The following NALF1 variants were observed in gnomAD, a reference collection of about 807,000 sequenced individuals.
NALF1 encodes family with sequence similarity 155 member A.
Under a neutral mutation model 48.4 loss-of-function variants are expected in NALF1, and 3 were observed. The ratio of observed to expected loss-of-function variants is 0.06; its 90% confidence interval spans 0.03 to 0.16. The LOEUF is 0.16. Ranked by LOEUF, NALF1 falls within the 10% of genes least tolerant of loss-of-function variation. NALF1 has a pLI of 1.00. For synonymous variants in NALF1, 262 were observed against 245.7 expected (o/e 1.07, Z -0.62); for missense variants, 526 against 571.5 (o/e 0.92, Z 0.81).
chr13:107,383,078 A>T (rs182502443), intron 1 of NALF1, among the ~76,000 whole-genome samples: 1 of 152,308 alleles, frequency 6.6e-6, no homozygotes, highest in Non-Finnish European at 1.5e-5. Context: ...ACTGCAAGTT[A>T]GTAGTTGGGT....
At chr13:107,805,871 G>A (rs1048770858) in intron 1 of NALF1, among the ~76,000 whole-genome samples, 3 of 152,136 alleles carry the variant, frequency 2.0e-5, no homozygotes, top group African/African-American at 2.4e-5. Context: ...CCTAAAGCCT[G>A]TGGGCTGTTA....
chr13:107,230,382 A>G (rs1051851897), intron 1 of NALF1, among the ~76,000 whole-genome samples: 4 of 152,164 alleles, frequency 2.6e-5, no homozygotes, highest in African/African-American at 9.7e-5. Context: ...CTCTATATCT[A>G]TGCATAGGAG....
At chr13:107,635,197 T>C (rs9520530) in intron 1 of NALF1, among the ~76,000 whole-genome samples, 37,308 of 151,976 alleles carry the variant, frequency 0.25, 5,147 homozygotes, top group East Asian at 0.48. Flanking sequence ...TTCATCCTCA[T>C]ACTGCTATGA....
chr13:107,207,705 G>A (rs1879672597), intron 2 of NALF1, among the ~76,000 whole-genome samples: 1 of 152,228 alleles, frequency 6.6e-6, no homozygotes, highest in Non-Finnish European at 1.5e-5. Flanking sequence ...CTGGAGTGCA[G>A]TGGCAGGATC....
intron 1 of NALF1, among the ~76,000 whole-genome samples, chr13:107,348,293 A>AT (rs1165889412): frequency 2.0e-5 from 3 of 152,306 alleles, no homozygotes; most frequent in East Asian, 3.9e-4. Flanking sequence ...AAATTATTGG[A>AT]TTTTTTTAAA....
At chr13:107,606,379 A>T (rs1369527331) in intron 1 of NALF1, among the ~76,000 whole-genome samples, 3 of 146,330 alleles carry the variant, frequency 2.1e-5, no homozygotes, top group Non-Finnish European at 4.5e-5. Flanking sequence ...ATATATATAT[A>T]TTTTGAGATG....
intron 1 of NALF1, among the ~76,000 whole-genome samples, chr13:107,434,322 G>A (rs1884429546): frequency 6.6e-6 from 1 of 152,108 alleles, no homozygotes; most frequent in South Asian, 2.1e-4. Context: ...CACATAAGAA[G>A]TTAATGCTCA....
chr13:107,497,253 A>G (rs1042534881), intron 1 of NALF1, among the ~76,000 whole-genome samples: 1 of 152,160 alleles, frequency 6.6e-6, no homozygotes, highest in African/African-American at 2.4e-5. Context: ...GAGATATATA[A>G]TTTTAGTTAT....
intron 1 of NALF1, among the ~76,000 whole-genome samples, chr13:107,327,030 C>T (rs1882377476): frequency 6.6e-6 from 1 of 152,244 alleles, no homozygotes; most frequent in African/African-American, 2.4e-5. Flanking sequence ...ACCCCAAAAT[C>T]ACACATTGAA....
chr13:107,693,100 T>C (rs1335644662), intron 1 of NALF1, among the ~76,000 whole-genome samples: 1 of 152,160 alleles, frequency 6.6e-6, no homozygotes, highest in Non-Finnish European at 1.5e-5. Flanking sequence ...GTTGAACTAG[T>C]TTACACTCCC....
intron 1 of NALF1, among the ~76,000 whole-genome samples, chr13:107,295,801 C>T (rs754867678): frequency 4.5e-4 from 68 of 152,142 alleles, no homozygotes; most frequent in Non-Finnish European, 9.6e-4. Flanking sequence ...ACCCTATGGG[C>T]ATAAAATTCA....
chr13:107,608,848 G>A (rs1879144305), intron 1 of NALF1, among the ~76,000 whole-genome samples: 1 of 152,214 alleles, frequency 6.6e-6, no homozygotes. Flanking sequence ...GAGTGACTCT[G>A]CTGGAAGGAA....
At chr13:107,630,843 C>A (rs1440983388) in intron 1 of NALF1, among the ~76,000 whole-genome samples, 1 of 152,074 alleles carries the variant, frequency 6.6e-6, no homozygotes, top group Non-Finnish European at 1.5e-5. Context: ...AGGATTTATG[C>A]TTACTTGACT....
At chr13:107,536,027 T>G (rs751744477) in intron 1 of NALF1, among the ~76,000 whole-genome samples, 4 of 152,098 alleles carry the variant, frequency 2.6e-5, no homozygotes, top group Non-Finnish European at 5.9e-5. Context: ...TAGCCATATG[T>G]AGAAAGCTGA....
intron 1 of NALF1, among the ~76,000 whole-genome samples, chr13:107,701,619 C>G (rs1027082088): frequency 2.0e-5 from 3 of 152,026 alleles, no homozygotes; most frequent in Non-Finnish European, 4.4e-5. Flanking sequence ...TCAAAAAACA[C>G]AAAGTAGCAG....
chr13:107,643,851 G>A (rs1478096811), intron 1 of NALF1, among the ~76,000 whole-genome samples: 1 of 151,988 alleles, frequency 6.6e-6, no homozygotes, highest in Non-Finnish European at 1.5e-5. Flanking sequence ...CAGCCTCAAG[G>A]GAGATCCAGG....
At chr13:107,291,484 T>C (rs1399639996) in intron 1 of NALF1, among the ~76,000 whole-genome samples, 1 of 50,070 alleles carries the variant, frequency 2.0e-5, no homozygotes, top group East Asian at 7.6e-4. Flanking sequence ...ATTTGTAAGG[T>C]GTATACAAAA....
intron 1 of NALF1, among the ~76,000 whole-genome samples, chr13:107,667,136 T>G (rs565428498): frequency 6.6e-6 from 1 of 152,200 alleles, no homozygotes; most frequent in African/African-American, 2.4e-5. Flanking sequence ...CTAATTTAAT[T>G]GCTCAATAAA....
At chr13:107,394,268 T>C (rs1180163140) in intron 1 of NALF1, among the ~76,000 whole-genome samples, 2 of 152,206 alleles carry the variant, frequency 1.3e-5, no homozygotes, top group East Asian at 1.9e-4. Flanking sequence ...CTGGGAAATA[T>C]TTCCACAGCT....
Sources: gnomAD v4.1 joint callset for allele counts (sites outside exome capture counted in the v4.1 genomes callset) on GRCh38, gnomAD v4.1.1 for gene constraint, MANE v1.5 for transcripts, NCBI Gene and HGNC (gene_info 2026-07-23, HGNC 2026-07-21) for gene names.